The following NRCAM variants were observed in gnomAD, a reference collection of about 807,000 sequenced individuals.
NRCAM encodes NgCAM-related cell adhesion molecule.
A neutral mutation model predicts 156.5 loss-of-function variants in NRCAM; 83 were observed. The observed-to-expected ratio is 0.53, with a 90% CI of 0.44 to 0.64. The LOEUF is 0.64. Among genes scored for constraint, NRCAM ranks in the 30% least tolerant of loss-of-function variants. The pLI, the probability that NRCAM is intolerant of heterozygous loss-of-function variation, is 0.00. For synonymous variants in NRCAM, 538 were observed against 563.9 expected (o/e 0.95, Z 0.65); for missense variants, 1,417 against 1,597.3 (o/e 0.89, Z 1.92).
Position 108,367,190 on chromosome 7 carries a change from T to A in NRCAM, c.-174+32246A>T, listed in dbSNP as rs529677331. On this transcript the variant is annotated intron_variant, in intron 2 of 32. Coordinates refer to ENST00000379028, the MANE Select transcript of NRCAM (RefSeq NM_001037132.4). ...GGAGATACCTACAAAGAAAGGTACCTGCTTGGATCCAATCAAATATTTTGA... is the reference window on the plus strand; with the variant it reads ...GGAGATACCTACAAAGAAAGGTACCAGCTTGGATCCAATCAAATATTTTGA... 4.6e-5 allele frequency among the ~76,000 whole-genome samples: 7 copies of A among 152,306 alleles called. No individual in the cohort carries two copies. The South Asian group carries it at 6.2e-4, about 14-fold the overall frequency.
At chr7:108,340,152 C>G (rs1257208410) in intron 2 of NRCAM, among the ~76,000 whole-genome samples, 1 of 152,072 alleles carries the variant, frequency 6.6e-6, no homozygotes, top group Non-Finnish European at 1.5e-5. Flanking sequence ...ATCCCCCTGA[C>G]TCCTTCTCCA....
chr7:108,152,411 C>CT, intron 32 of NRCAM, among the ~76,000 whole-genome samples: 1 of 150,872 alleles, frequency 6.6e-6, no homozygotes, highest in East Asian at 2.0e-4. Context: ...CTTGGTGTGG[C>CT]TGGGGGGAGG....
intron 3 of NRCAM, among the ~76,000 whole-genome samples, chr7:108,255,777 C>G (rs556159043): frequency 1.4e-5 from 2 of 139,938 alleles, no homozygotes; most frequent in Non-Finnish European, 3.1e-5. Flanking sequence ...TCTGCCCGAC[C>G]GCCACCCCGT....
chr7:108,195,883 T>A lies in NRCAM; in HGVS notation c.1352-11A>T. On this transcript the variant is annotated splice_polypyrimidine_tract_variant and intron_variant, in intron 14 of 32. Coordinates refer to ENST00000379028, the MANE Select transcript of NRCAM (RefSeq NM_001037132.4). ...TTCGTGGTGGCTCAGCTACAAATAT[T>A]TTTAAAAGGTAAAGTAAATATTAGA... is the stretch of plus-strand genomic sequence containing the variant. 1 of 1,502,424 alleles carries A rather than the reference T, an allele frequency of 6.7e-7. No individual in the cohort carries two copies. Among genetic ancestry groups the A allele is most frequent in the Non-Finnish European group, 9.3e-7 (1 of 1,080,590 alleles). The allele number at this position is 1,502,424 out of a possible 1,614,324, so 93.1% of individuals were successfully genotyped here. A position where few individuals can be genotyped will look rare whatever the true frequency, so the allele number is the denominator to read the frequency against.
chr7:108,381,535 C>T (rs2099700862), intron 2 of NRCAM, among the ~76,000 whole-genome samples: 1 of 149,918 alleles, frequency 6.7e-6, no homozygotes, highest in Non-Finnish European at 1.5e-5. Flanking sequence ...CTGGTCTTAA[C>T]ATTGGCTTTG....
intron 2 of NRCAM, among the ~76,000 whole-genome samples, chr7:108,348,841 A>C (rs62469222): frequency 0.58 from 86,643 of 149,676 alleles, 25,509 homozygotes; most frequent in East Asian, 0.83. Context: ...AAGTGGAGGA[A>C]GCAGTGAGAC....
chr7:108,268,635 T>TGGGGGGGGGGGGGGGG (rs1563033340), intron 3 of NRCAM, among the ~76,000 whole-genome samples: 1 of 37,622 alleles, frequency 2.7e-5, no homozygotes, highest in Non-Finnish European at 4.6e-5. Context: ...TGGGGGGGGG[T>TGGGGGGGGGGGGGGGG]TGGGGGGGGC....
At chr7:108,327,251 TC>T (rs2099079184) in intron 2 of NRCAM, among the ~76,000 whole-genome samples, 2 of 152,302 alleles carry the variant, frequency 1.3e-5, no homozygotes, top group Admixed American at 6.5e-5. Context: ...TCTCTCTAAA[TC>T]TCACTTATCT....
intron 1 of NRCAM, among the ~76,000 whole-genome samples, chr7:108,410,408 G>C (rs1364363435): frequency 6.6e-6 from 1 of 152,170 alleles, no homozygotes; most frequent in Non-Finnish European, 1.5e-5. Flanking sequence ...AAAGATGAAG[G>C]TGAAATGTGA....
intron 2 of NRCAM, among the ~76,000 whole-genome samples, chr7:108,380,945 C>T (rs1215964102): frequency 6.6e-6 from 1 of 152,132 alleles, no homozygotes; most frequent in Non-Finnish European, 1.5e-5. Flanking sequence ...TGGCTCATGC[C>T]TGTAGTCCCA....
chr7:108,323,343 T>C (rs1483964007), intron 2 of NRCAM, among the ~76,000 whole-genome samples: 1 of 152,234 alleles, frequency 6.6e-6, no homozygotes, highest in Non-Finnish European at 1.5e-5. Flanking sequence ...ATTTTTTCAT[T>C]ATTCTCCATT....
At chr7:108,174,458 A>G (rs2059720026) in intron 28 of NRCAM, among the ~76,000 whole-genome samples, 1 of 152,228 alleles carries the variant, frequency 6.6e-6, no homozygotes, top group South Asian at 2.1e-4. Context: ...GCCCCTGACC[A>G]TGGGCATGCC....
chr7:108,423,250 G>A (rs1812625140), intron 1 of NRCAM, among the ~76,000 whole-genome samples: 1 of 151,974 alleles, frequency 6.6e-6, no homozygotes, highest in South Asian at 2.1e-4. Flanking sequence ...TAGTGAGTCA[G>A]GAAAGGAAGT....
rs2065516501 is a variant in NRCAM, at chr7:108,184,536, G to T, written c.2114C>A (p.Thr705Asn). The part of the protein sequence containing the change: ...HHQTEVSGTQ[T>N]TAQLKLSPYV... ...AGGAGACAGCTTCAGCTGGGCTGTG[G>T]TCTGTGTTCCAGAAACTTCAGTTTG... is the stretch of plus-strand genomic sequence containing the variant. The change falls in exon 21 of 33, where the codon ACC becomes AAC. Residue 705 changes from threonine (T) to asparagine (N), a missense_variant. Thr to Asn is a moderately conservative substitution (Grantham distance 65, BLOSUM62 0). Around this residue, in one of 2 missense-constraint regions of NRCAM, gnomAD observed 1,238 missense variants for 1,336.4 expected, o/e 0.93. Transcript: ENST00000379028. 6.2e-7 allele frequency: 1 copy of T among 1,613,988 alleles called. No individual in the cohort carries two copies. Among genetic ancestry groups the T allele is most frequent in the African/African-American group, 1.3e-5 (1 of 74,920 alleles).
chr7:108,361,894 CCTTA>C (rs111505342), intron 2 of NRCAM, among the ~76,000 whole-genome samples: 48,358 of 151,820 alleles, frequency 0.32, 7,732 homozygotes, highest in Middle Eastern at 0.37. Context: ...CTCCTATTGG[CCTTA>C]CTTCTCTGTA....
chr7:108,252,853 A>G (rs1004052674), intron 3 of NRCAM, among the ~76,000 whole-genome samples: 2 of 152,260 alleles, frequency 1.3e-5, no homozygotes, highest in Admixed American at 6.5e-5. Flanking sequence ...CATTTCTGCG[A>G]AAATTTTGCC....
At chr7:108,426,091 G>C (rs912051315) in intron 1 of NRCAM, among the ~76,000 whole-genome samples, 2 of 152,220 alleles carry the variant, frequency 1.3e-5, no homozygotes, top group Non-Finnish European at 2.9e-5. Context: ...ATGACTCCAG[G>C]CATGCCTGAA....
At chr7:108,429,436 C>T (rs913198159) in intron 1 of NRCAM, among the ~76,000 whole-genome samples, 2 of 152,198 alleles carry the variant, frequency 1.3e-5, no homozygotes, top group African/African-American at 4.8e-5. Flanking sequence ...AGGTAATCCA[C>T]CCATCTTTGC....
At chr7:108,356,791 C>G (rs2300030) in intron 2 of NRCAM, among the ~76,000 whole-genome samples, 29,841 of 151,808 alleles carry the variant, frequency 0.2, 3,457 homozygotes, top group East Asian at 0.44. Context: ...GAGCCCTCTG[C>G]TATAATGAAG....
Sources: gnomAD v4.1 joint callset for allele counts (sites outside exome capture counted in the v4.1 genomes callset) on GRCh38, gnomAD v4.1.1 for gene constraint, gnomAD v4.1.1 regional missense constraint, MANE v1.5 for transcripts, NCBI Gene and HGNC (gene_info 2026-07-23, HGNC 2026-07-21) for gene names.